The following IFT122 variants were observed in gnomAD, a reference collection of about 807,000 sequenced individuals.
IFT122 encodes the protein intraflagellar transport 122.
In IFT122, 118 loss-of-function variants were observed where a neutral mutation model predicts 161.6. The ratio of observed to expected loss-of-function variants is 0.73; its 90% CI spans 0.63 to 0.85. The LOEUF (loss-of-function observed/expected upper bound fraction) is 0.85. IFT122 is among the 40% of genes least tolerant of loss of function. The pLI is 0.00. For synonymous variants in IFT122, 550 were observed against 602.4 expected (o/e 0.91, Z 1.27); for missense variants, 1,381 against 1,579.6 (o/e 0.87, Z 2.13).
chr3:129,492,087 C>A, intron 16 of IFT122, 54 bp from the exon 17 acceptor site: 22 of 1,386,868 alleles, frequency 1.6e-5, no homozygotes, highest in Non-Finnish European at 2.2e-5. Flanking sequence ...AGCCAATCAC[C>A]CACTTTTGAA....
rs570546829 is a variant in IFT122, at chr3:129,462,186, A to G, written c.349+882A>G. Reference sequence around the variant, plus strand: ...CTGTCATTTGTTTAACATATTTTATAGCATTTTCTTCATGTGAAGCACTGG... The same window carrying G: ...CTGTCATTTGTTTAACATATTTTATGGCATTTTCTTCATGTGAAGCACTGG... On this transcript the variant is annotated intron_variant, in intron 5 of 29. Transcript: ENST00000348417. 7.0e-4 allele frequency among the ~76,000 whole-genome samples: 107 copies of G among 152,364 alleles called. No homozygotes were observed. In the Middle Eastern group the frequency reaches 0.017, roughly 24 times the overall value.
intron 5 of IFT122, 150 bp downstream of exon 5, chr3:129,461,454 C>T (rs562435603): frequency 2.8e-6 from 2 of 708,392 alleles, no homozygotes; most frequent in South Asian, 3.0e-5. Context: ...GACAGTTATT[C>T]TTTAAATTGT....
chr3:129,448,801 C>G (rs963596705), intron 1 of IFT122, among the ~76,000 whole-genome samples: 1 of 151,978 alleles, frequency 6.6e-6, no homozygotes, highest in Non-Finnish European at 1.5e-5. Flanking sequence ...TAGTGATTCT[C>G]CTGCCTCAGC....
chr3:129,519,619 T>C lies in IFT122; in HGVS notation c.3523T>C (p.Ser1175Pro), dbSNP rs764665773. Residue 1175 changes from serine (S) to proline (P), a missense_variant, in exon 29 of 30, where the codon TCC (serine) becomes CCC (proline). Physicochemically the swap from Ser to Pro is moderately conservative, Grantham distance 74 (BLOSUM62 -1). Around this residue, in one of 7 missense-constraint regions of IFT122, gnomAD observed 177 missense variants for 199.2 expected, o/e 0.89. Coordinates refer to ENST00000348417, the MANE Select transcript of IFT122 (RefSeq NM_052989.3). ...GGTGGTGAGCCGGCTGGTGCTGCGC[T>C]CCATGAGCCGCCGGGATGTCCTCAT... ...PVVVSRLVLR[S>P]MSRRDVLIKR... The C allele has an allele frequency of 3.7e-6, 6 of 1,613,576 alleles. No individual in the cohort carries two copies. Among genetic ancestry groups the C allele is most frequent in the South Asian group, 1.1e-5 (1 of 91,072 alleles).
At chr3:129,483,430 C>A in intron 14 of IFT122, 55 bp from the exon 15 acceptor site, 8 of 1,488,754 alleles carry the variant, frequency 5.4e-6, no homozygotes, top group Non-Finnish European at 7.5e-6. Flanking sequence ...AATGTGTGAG[C>A]GCTGACCAAG....
chr3:129,452,018 T>G lies in IFT122; in HGVS notation c.193+20T>G, dbSNP rs1370484089. ...AGGATGGTAAAAGGCTGCTCTGGGT[T>G]TCCATTCTCTATAATAGCCTCATCA... On this transcript the variant is annotated intron_variant, in intron 3 of 29. Transcript: ENST00000348417. 1 of 1,544,784 alleles carries G rather than the reference T, an allele frequency of 6.5e-7. No individual in the cohort carries two copies. The highest frequency in any genetic ancestry group is 9.0e-7 in the Non-Finnish European group (1 of 1,116,872).
intron 26 of IFT122, 132 bp downstream of exon 26, chr3:129,515,731 C>G: frequency 1.3e-6 from 1 of 788,056 alleles, no homozygotes; most frequent in Non-Finnish European, 2.2e-6. Context: ...GAAATGAGGA[C>G]ACTCTGACGC....
chr3:129,463,897 T>C (rs1478776392), intron 6 of IFT122, among the ~76,000 whole-genome samples: 1 of 152,206 alleles, frequency 6.6e-6, no homozygotes, highest in Non-Finnish European at 1.5e-5. Flanking sequence ...GTTGAAAATG[T>C]GAGGCTGTCA....
At chr3:129,483,772 T>G (rs2078946259) in intron 15 of IFT122, 90 bp downstream of exon 15, 1 of 1,258,630 alleles carries the variant, frequency 7.9e-7, no homozygotes, top group African/African-American at 1.5e-5. Context: ...GGGGAGAGAG[T>G]AGCAAGGAGA....
chr3:129,512,448 C>A (rs374500310), intron 24 of IFT122, 36 bp downstream of exon 24: 14 of 1,403,366 alleles, frequency 1.0e-5, no homozygotes, highest in Non-Finnish European at 1.4e-5. Flanking sequence ...GTCCCACCAC[C>A]GTTCTTGTCT....
intron 5 of IFT122, chr3:129,463,256 G>A (rs1027739896): frequency 7.6e-5 from 28 of 368,578 alleles, no homozygotes; most frequent in Admixed American, 3.6e-4. Flanking sequence ...TGCCATCAGC[G>A]TGACACAGAA....
intron 19 of IFT122, among the ~76,000 whole-genome samples, chr3:129,500,276 C>G (rs933953865): frequency 1.3e-5 from 2 of 152,206 alleles, no homozygotes; most frequent in African/African-American, 4.8e-5. Flanking sequence ...TGGTGGGGAC[C>G]AGGGAAGAGG....
Position 129,482,324 on chromosome 3 carries a change from G to A in IFT122, c.1653+630G>A, listed in dbSNP as rs146697109. On this transcript the variant is annotated intron_variant, in intron 14 of 29. Transcript: ENST00000348417. ...AGACAGCCCGGCAGCTCTGTGCCCC[G>A]GGCCTGGTTGGCTTTCTGCTGGGCT... 1.9e-3 allele frequency among the ~76,000 whole-genome samples: 294 copies of A among 152,294 alleles called. 1 individual carries two copies. Among genetic ancestry groups the A allele is most frequent in the African/African-American group, 6.1e-3 (253 of 41,552 alleles).
chr3:129,512,461 T>G, intron 24 of IFT122, 49 bp downstream of exon 24: 1 of 1,293,928 alleles, frequency 7.7e-7, no homozygotes, highest in South Asian at 1.2e-5. Context: ...TCTTGTCTAA[T>G]GGCCCCAAGA....
intron 5 of IFT122, 97 bp from the exon 6 acceptor site, chr3:129,463,462 TC>T (rs1347465258): frequency 7.6e-5 from 69 of 909,590 alleles, no homozygotes; most frequent in Non-Finnish European, 1.8e-6. Context: ...ATCCTGGAGA[TC>T]CATCTAAGTT....
At chr3:129,499,132 T>C (rs1310618628) in intron 18 of IFT122, among the ~76,000 whole-genome samples, 1 of 152,202 alleles carries the variant, frequency 6.6e-6, no homozygotes, top group Non-Finnish European at 1.5e-5. Flanking sequence ...GATTCCCCCA[T>C]GGCCTCCTGC....
At chr3:129,519,013 G>T in intron 27 of IFT122, 94 bp from the exon 28 acceptor site, 1 of 1,062,212 alleles carries the variant, frequency 9.4e-7, no homozygotes, top group Non-Finnish European at 1.5e-6. Context: ...CACTGGTCTG[G>T]CTGCCCTTGA....
chr3:129,474,731 C>G (rs1001786213), intron 9 of IFT122, among the ~76,000 whole-genome samples: 5 of 151,992 alleles, frequency 3.3e-5, no homozygotes, highest in Non-Finnish European at 7.4e-5. Flanking sequence ...GGGCTGAGCT[C>G]GGGAGTTTGA....
chr3:129,483,626 G>A lies in IFT122; in HGVS notation c.1795G>A (p.Gly599Ser), dbSNP rs758194778. The A allele has an allele frequency of 4.0e-5, 64 of 1,613,344 alleles. No homozygotes were observed. The Middle Eastern group carries it at 6.6e-4, about 17-fold the overall frequency. ...GCAGGGCTTTGTGGTCGGCTACAAT[G>A]GCTCCAAGATCTTCTGCCTCCATGT... Reference protein sequence around the residue: ...KLQGFVVGYNGSKIFCLHVFS... With the variant: ...KLQGFVVGYNSSKIFCLHVFS... Residue 599 changes from glycine (G) to serine (S), a missense_variant, in exon 15 of 30, where the codon GGC (glycine) becomes AGC (serine). Physicochemically the swap from Gly to Ser is moderately conservative, Grantham distance 56 (BLOSUM62 0). This residue lies in a region of IFT122 where 544 missense variants were observed against 648.0 expected (regional missense o/e 0.84). Coordinates refer to ENST00000348417, the MANE Select transcript of IFT122 (RefSeq NM_052989.3).
Sources: gnomAD v4.1 joint callset for allele counts (sites outside exome capture counted in the v4.1 genomes callset) on GRCh38, gnomAD v4.1.1 for gene constraint, gnomAD v4.1.1 regional missense constraint, MANE v1.5 for transcripts, NCBI Gene and HGNC (gene_info 2026-07-23, HGNC 2026-07-21) for gene names.